The following TOGARAM1 variants were observed in gnomAD, a reference collection of about 807,000 sequenced individuals.
TOGARAM1 encodes TOG array regulator of axonemal microtubules protein 1.
In TOGARAM1, 100 loss-of-function variants were observed where a neutral mutation model predicts 166.6. That is an observed-to-expected ratio of 0.60 (90% CI 0.51 to 0.71). The LOEUF (loss-of-function observed/expected upper bound fraction) is 0.71, where lower values mean the gene tolerates loss of function less well. Ranked by LOEUF, TOGARAM1 falls within the 30% of genes least tolerant of loss-of-function variation. TOGARAM1 has a pLI of 0.00. For synonymous variants in TOGARAM1, 758 were observed against 763.8 expected (o/e 0.99, Z 0.13); for missense variants, 2,029 against 2,102.7 (o/e 0.96, Z 0.69).
chr14:45,026,816 G>A (rs1880869646), intron 8 of TOGARAM1, among the ~76,000 whole-genome samples: 2 of 148,646 alleles, frequency 1.3e-5, no homozygotes, highest in African/African-American at 5.1e-5. Flanking sequence ...TGGACAACAT[G>A]GCAAAACCCC....
Position 44,963,737 on chromosome 14 carries a change from C to T in TOGARAM1, c.1316C>T (p.Ala439Val), listed in dbSNP as rs1173365496. The change falls in exon 1 of 20, where the codon GCT becomes GTT. Residue 439 changes from alanine to valine, a missense_variant. Ala to Val is a moderately conservative substitution (Grantham distance 64). Transcript: ENST00000361462. ...CAGTTCTTGGGACCAGTTATAGCAG[C>T]TTCTGTCAAAGTGCTGGCGGACAAC... The part of the protein sequence containing the change: ...VQQFLGPVIA[A>V]SVKVLADNKL... The T allele has an allele frequency of 3.7e-6, 6 of 1,613,882 alleles. No homozygotes were observed. Among genetic ancestry groups the T allele is most frequent in the Non-Finnish European group, 5.1e-6 (6 of 1,179,884 alleles).
At chr14:45,051,484 C>T (rs4451879) in intron 14 of TOGARAM1, among the ~76,000 whole-genome samples, 4 of 150,354 alleles carry the variant, frequency 2.7e-5, no homozygotes, top group East Asian at 2.0e-4. Context: ...GTCTCTCCAT[C>T]TGGCACATGG....
intron 8 of TOGARAM1, among the ~76,000 whole-genome samples, 163 bp from the exon 9 acceptor site, chr14:45,027,136 C>T (rs918989970): frequency 4.6e-5 from 7 of 152,134 alleles, no homozygotes; most frequent in Non-Finnish European, 1.0e-4. Context: ...TATATTAATG[C>T]CCTATTAGGG....
At chr14:44,969,801 A>G (rs1347691083) in intron 1 of TOGARAM1, among the ~76,000 whole-genome samples, 3 of 152,160 alleles carry the variant, frequency 2.0e-5, no homozygotes, top group Non-Finnish European at 2.9e-5. Flanking sequence ...ATTTGTTGAC[A>G]ACACTGTCTT....
In TOGARAM1 at chr14:44,963,772, A is replaced by G. The variant is rs958989238; in HGVS notation, c.1351A>G (p.Ile451Val). ...AGTGCTGGCGGACAACAAGTTGGTG[A>G]TCAAACAAGAATACATGAAAATCTT... ...VKVLADNKLV[I>V]KQEYMKIFLK... Residue 451 changes from isoleucine (I) to valine (V), a missense_variant, in exon 1 of 20, where the codon ATC (isoleucine) becomes GTC (valine). Around this residue, in one of 2 missense-constraint regions of TOGARAM1, gnomAD observed 1,453 missense variants for 1,432.2 expected, o/e 1.01. Coordinates refer to ENST00000361462, the MANE Select transcript of TOGARAM1 (RefSeq NM_001308120.2). 2 of 1,614,020 alleles carry G rather than the reference A, an allele frequency of 1.2e-6. No homozygotes were observed. Among genetic ancestry groups the G allele is most frequent in the Admixed American group, 3.3e-5 (2 of 60,022 alleles).
chr14:45,013,294 C>G (rs763951909), intron 7 of TOGARAM1, among the ~76,000 whole-genome samples: 6 of 152,170 alleles, frequency 3.9e-5, no homozygotes, highest in Non-Finnish European at 7.4e-5. Flanking sequence ...ACATCTTGCA[C>G]TGACACCTTT....
rs377233957 is a variant in TOGARAM1 at position 45,044,708 on chromosome 14, A to C, written c.3992A>C (p.Lys1331Thr). 72 of 1,613,914 alleles carry C rather than the reference A, an allele frequency of 4.5e-5. No individual in the cohort carries two copies. Among genetic ancestry groups the C allele is most frequent in the Non-Finnish European group, 5.7e-5 (67 of 1,179,996 alleles). ...CLSDLFTYLK[K>T]SMDQELDTTV... ...AGTGATCTTTTCACTTATTTGAAAAAGAGCATGGATCAAGAGCTAGATACC... is the reference window on the plus strand; with the variant it reads ...AGTGATCTTTTCACTTATTTGAAAACGAGCATGGATCAAGAGCTAGATACC... Residue 1331 changes from lysine to threonine, a missense_variant, in exon 13 of 20, where the codon AAG (lysine) becomes ACG (threonine). Lys to Thr is a moderately conservative substitution (Grantham distance 78). This residue lies in a region of TOGARAM1 where 576 missense variants were observed against 670.5 expected (regional missense o/e 0.86). Coordinates refer to ENST00000361462, the MANE Select transcript of TOGARAM1 (RefSeq NM_001308120.2).
chr14:45,004,428 A>C lies in TOGARAM1; in HGVS notation c.2644+62A>C, dbSNP rs551357816. 5 of 1,360,876 alleles carry C rather than the reference A, an allele frequency of 3.7e-6. No individual in the cohort carries two copies. In the East Asian group the frequency reaches 1.2e-4, roughly 32 times the overall value. The allele number at this position is 1,360,876 out of a possible 1,614,324, so 84.3% of individuals were successfully genotyped here. A position where few individuals can be genotyped will look rare whatever the true frequency, so the allele number is the denominator to read the frequency against. On this transcript the variant is annotated intron_variant, in intron 4 of 19. Transcript: ENST00000361462. The stretch of plus-strand genomic sequence containing the variant: ...TGAATTAGTACTTTGAAGTTAATGC[A>C]TAGGGCTGTTAGATCTTTAAAAGCT...
chr14:44,987,550 A>G (rs1356338590), intron 1 of TOGARAM1, among the ~76,000 whole-genome samples: 1 of 151,840 alleles, frequency 6.6e-6, no homozygotes, highest in African/African-American at 2.4e-5. Context: ...CAAAACCACA[A>G]TGAGATACCA....
At chr14:44,968,715 AC>A (rs1885702149) in intron 1 of TOGARAM1, among the ~76,000 whole-genome samples, 1 of 152,058 alleles carries the variant, frequency 6.6e-6, no homozygotes, top group Non-Finnish European at 1.5e-5. Context: ...TATAATTATC[AC>A]CCAAGGCCCA....
intron 11 of TOGARAM1, among the ~76,000 whole-genome samples, chr14:45,042,853 C>T (rs1881795762): frequency 6.6e-6 from 1 of 152,152 alleles, no homozygotes; most frequent in African/African-American, 2.4e-5. Flanking sequence ...GTGGTAGTGG[C>T]TGGCTGTGGT....
intron 1 of TOGARAM1, among the ~76,000 whole-genome samples, chr14:44,987,004 C>CAA (rs749013284): frequency 3.4e-5 from 2 of 58,356 alleles, no homozygotes; most frequent in Non-Finnish European, 7.1e-5. Flanking sequence ...GACTCTGTCT[C>CAA]AAAAAAAAAA....
chr14:44,979,867 T>A (rs1232259748), intron 1 of TOGARAM1, among the ~76,000 whole-genome samples: 3 of 152,170 alleles, frequency 2.0e-5, no homozygotes, highest in Admixed American at 2.0e-4. Flanking sequence ...GTAAAATGCA[T>A]TCCTGGCAAG....
intron 1 of TOGARAM1, among the ~76,000 whole-genome samples, chr14:44,982,149 A>AT (rs1300513195): frequency 6.6e-6 from 1 of 151,990 alleles, no homozygotes; most frequent in East Asian, 1.9e-4. Flanking sequence ...TAGCCTGAAC[A>AT]TTTTTTTCTT....
intron 1 of TOGARAM1, among the ~76,000 whole-genome samples, chr14:44,965,695 A>G (rs1025275675): frequency 6.6e-5 from 10 of 152,090 alleles, no homozygotes; most frequent in Non-Finnish European, 1.2e-4. Context: ...AGGTGGTAAT[A>G]GCCAGATCTC....
intron 1 of TOGARAM1, among the ~76,000 whole-genome samples, chr14:44,975,017 G>C (rs1886102832): frequency 6.6e-6 from 1 of 152,004 alleles, no homozygotes; most frequent in Non-Finnish European, 1.5e-5. Context: ...TTTATGGTTG[G>C]CTCTCCCAAT....
chr14:45,011,916 G>A (rs1879825007), intron 6 of TOGARAM1, 59 bp from the exon 7 acceptor site: 1 of 1,145,996 alleles, frequency 8.7e-7, no homozygotes, highest in African/African-American at 1.5e-5. Context: ...AATATGTGAT[G>A]TGAGTATTGA....
At chr14:45,032,458 T>C (rs1881218490) in intron 11 of TOGARAM1, 82 bp downstream of exon 11, 1 of 1,288,462 alleles carries the variant, frequency 7.8e-7, no homozygotes, top group Non-Finnish European at 1.1e-6. Flanking sequence ...TTGAAACACA[T>C]TTTCTATTAA....
intron 16 of TOGARAM1, among the ~76,000 whole-genome samples, chr14:45,056,389 G>C (rs376723350): frequency 1.3e-5 from 2 of 152,074 alleles, no homozygotes; most frequent in African/African-American, 4.8e-5. Flanking sequence ...ACTTTATCTA[G>C]GACTTATAGT....
Sources: gnomAD v4.1 joint callset for allele counts (sites outside exome capture counted in the v4.1 genomes callset) on GRCh38, gnomAD v4.1.1 for gene constraint, gnomAD v4.1.1 regional missense constraint, MANE v1.5 for transcripts, NCBI Gene and HGNC (gene_info 2026-07-23, HGNC 2026-07-21) for gene names.